CEP57: variants seen among roughly 807,000 people sequenced by gnomAD.
CEP57 encodes the protein centrosomal protein 57, also known as centrosomal protein of 57 kDa.
Under a neutral mutation model 68.0 loss-of-function variants are expected in CEP57, and 40 were observed. The observed-to-expected ratio is 0.59, with a 90% CI of 0.46 to 0.77. CEP57 has a LOEUF of 0.77. CEP57 is among the 30% of genes least tolerant of loss of function. CEP57 has a pLI of 0.00. For synonymous variants in CEP57, 219 were observed against 198.7 expected (o/e 1.10, Z -0.86); for missense variants, 606 against 580.7 (o/e 1.04, Z -0.45).
At chr11:95,816,766 C>T (rs1862312782) in intron 4 of CEP57, among the ~76,000 whole-genome samples, 1 of 152,060 alleles carries the variant, frequency 6.6e-6, no homozygotes, top group South Asian at 2.1e-4. Flanking sequence ...TTGAAATTAT[C>T]CTAGTATAAT....
At chr11:95,813,979 A>G (rs1565323246) in intron 4 of CEP57, among the ~76,000 whole-genome samples, 1 of 152,232 alleles carries the variant, frequency 6.6e-6, no homozygotes, top group Admixed American at 6.5e-5. Context: ...GCTTTCTTAC[A>G]CCAGAGATCT....
At chr11:95,807,141 C>T (rs1861838627) in intron 2 of CEP57, among the ~76,000 whole-genome samples, 1 of 152,172 alleles carries the variant, frequency 6.6e-6, no homozygotes. Context: ...TCCAACAGAC[C>T]TGCAGCTGAG....
chr11:95,790,361 C>G (rs1034028156), upstream of CEP57: 1 of 444,074 alleles, frequency 2.3e-6, no homozygotes, highest in Admixed American at 3.7e-5. Flanking sequence ...CCTGTAACCC[C>G]GGCGTTGTCT....
chr11:95,810,034 G>A (rs1861984419), intron 2 of CEP57, among the ~76,000 whole-genome samples: 1 of 152,042 alleles, frequency 6.6e-6, no homozygotes, highest in African/African-American at 2.4e-5. Context: ...TGGGATGCAA[G>A]GCTGGTTCAA....
intron 2 of CEP57, among the ~76,000 whole-genome samples, chr11:95,811,801 A>G (rs1357300825): frequency 1.3e-5 from 2 of 152,204 alleles, no homozygotes; most frequent in Non-Finnish European, 2.9e-5. Context: ...TAGGAGTAGC[A>G]TATTTTTCTC....
intron 7 of CEP57, 115 bp downstream of exon 7, chr11:95,822,093 C>T: frequency 1.3e-6 from 1 of 755,292 alleles, no homozygotes; most frequent in South Asian, 1.5e-5. Context: ...CTTTCATTCT[C>T]AATTTCTTCA....
intron 2 of CEP57, among the ~76,000 whole-genome samples, chr11:95,809,829 A>C (rs1350877252): frequency 2.0e-5 from 3 of 152,214 alleles, no homozygotes; most frequent in Non-Finnish European, 4.4e-5. Flanking sequence ...AAAAAGAGGT[A>C]ATCCTCCCAA....
chr11:95,790,349 G>C, upstream of CEP57: 1 of 416,044 alleles, frequency 2.4e-6, no homozygotes, highest in Non-Finnish European at 4.4e-6. Flanking sequence ...CCGCAGAGCC[G>C]GCCTGTAACC....
Position 95,790,548 on chromosome 11 carries a change from GGGTTTCCAA to G in CEP57, c.-149_-141del. The G allele has an allele frequency of 1.2e-6, 1 of 853,842 alleles. No homozygotes were observed. The highest frequency in any genetic ancestry group is 1.5e-5 in the South Asian group (1 of 66,932). 52.9% of individuals were successfully genotyped at this position (853,842 alleles called of 1,614,324 possible). ...GCGGCCCTGAGGGGGTGTGTTGCAG[GGGTTTCCAA>G]GCCCAGCACCAGCACCCTTGCCCTT... On this transcript the variant is annotated 5_prime_UTR_variant, in exon 1 of 11. Transcript: ENST00000325542.
chr11:95,807,258 G>A (rs531892214), intron 2 of CEP57, among the ~76,000 whole-genome samples: 1 of 152,154 alleles, frequency 6.6e-6, no homozygotes, highest in Admixed American at 6.5e-5. Context: ...CAAAGATGTG[G>A]AGAAACCAAA....
intron 2 of CEP57, among the ~76,000 whole-genome samples, chr11:95,809,370 G>A (rs972391468): frequency 2.0e-5 from 3 of 152,142 alleles, no homozygotes; most frequent in South Asian, 4.1e-4. Context: ...AACTGAAGGA[G>A]ATAGAGACAC....
At chr11:95,820,388 C>T (rs1862468946) in intron 6 of CEP57, among the ~76,000 whole-genome samples, 1 of 151,804 alleles carries the variant, frequency 6.6e-6, no homozygotes, top group South Asian at 2.1e-4. Context: ...AGTTTGAGGT[C>T]AGGAGTTTGA....
At chr11:95,824,481 GAATTT>G (rs1565331423) in intron 8 of CEP57, among the ~76,000 whole-genome samples, 2 of 152,268 alleles carry the variant, frequency 1.3e-5, no homozygotes, top group East Asian at 3.9e-4. Context: ...TAAAGCTGGA[GAATTT>G]AATTCCAGCA....
At position 95,823,865 on chromosome 11, in the gene CEP57, G is replaced by GTTTA. The variant is rs369011023; in HGVS notation, c.885+1290_885+1293dup. ...CTAGCAGTTCCATATTTTCCATCAT[G>GTTTA]TTTAGCACAATACAGTAAATAATTT... On this transcript the variant is annotated intron_variant, in intron 8 of 10. Coordinates refer to ENST00000325542, the MANE Select transcript of CEP57 (RefSeq NM_014679.5). 2.9e-3 allele frequency among the ~76,000 whole-genome samples: 438 copies of GTTTA among 152,110 alleles called. 3 individuals are homozygous for GTTTA. The highest frequency in any genetic ancestry group is 9.4e-3 in the African/African-American group (388 of 41,486).
chr11:95,822,256 A>G (rs895386299), intron 7 of CEP57: 5 of 580,666 alleles, frequency 8.6e-6, no homozygotes, highest in Non-Finnish European at 1.5e-5. Flanking sequence ...GTGTATATGT[A>G]TACTGATTTT....
chr11:95,813,433 A>G (rs2135320594), intron 3 of CEP57, 35 bp from the exon 4 acceptor site: 1 of 1,604,810 alleles, frequency 6.2e-7, no homozygotes, highest in Non-Finnish European at 8.5e-7. Flanking sequence ...TTTATGGGTG[A>G]GTTGATTTCT....
chr11:95,793,235 T>G (rs965734902), intron 1 of CEP57, among the ~76,000 whole-genome samples: 1 of 152,224 alleles, frequency 6.6e-6, no homozygotes, highest in Non-Finnish European at 1.5e-5. Flanking sequence ...TTGATAAACT[T>G]CGACTGGTGG....
At position 95,799,233 on chromosome 11, in the gene CEP57, A is replaced by G; in HGVS notation, c.47A>G (p.Asn16Ser). 3.7e-6 allele frequency: 6 copies of G among 1,614,004 alleles called. No individual in the cohort carries two copies. The highest frequency in any genetic ancestry group is 5.1e-6 in the Non-Finnish European group (6 of 1,179,970). ...GTAATTTGTGTCTTTATTTTTTAGA[A>G]CAGCTTTGCTGAGCCATCAAGGTCT... ...VSAASGSHLS[N>S]SFAEPSRSNG... The change falls in exon 2 of 11, where the codon AAC becomes AGC. Residue 16 changes from asparagine (N) to serine (S), a missense_variant and splice_region_variant. Transcript: ENST00000325542.
chr11:95,823,918 T>C (rs1405065346), intron 8 of CEP57, among the ~76,000 whole-genome samples: 2 of 151,902 alleles, frequency 1.3e-5, no homozygotes, highest in African/African-American at 2.4e-5. Flanking sequence ...CCATATCAAG[T>C]GCTACTAATG....
Sources: allele counts gnomAD v4.1 joint callset (sites outside exome capture counted in the v4.1 genomes callset), GRCh38; gene constraint gnomAD v4.1.1; transcripts MANE v1.5; gene names NCBI Gene and HGNC (gene_info 2026-07-23, HGNC 2026-07-21).